The following MLLT10 variants were observed in gnomAD, a reference collection of about 807,000 sequenced individuals.
MLLT10 encodes MLLT10 histone lysine methyltransferase DOT1L cofactor.
In MLLT10, 30 loss-of-function variants were observed where a neutral mutation model predicts 129.1. The observed-to-expected ratio is 0.23, with a 90% CI of 0.17 to 0.32. MLLT10 has a LOEUF of 0.32. Ranked by LOEUF, MLLT10 falls within the 10% of genes least tolerant of loss-of-function variation. The pLI is 1.00. For synonymous variants in MLLT10, 490 were observed against 446.4 expected (o/e 1.10, Z -1.23); for missense variants, 1,119 against 1,268.3 (o/e 0.88, Z 1.79).
chr10:21,684,576 A>G (rs1443322277), intron 13 of MLLT10, among the ~76,000 whole-genome samples: 1 of 152,096 alleles, frequency 6.6e-6, no homozygotes, highest in African/African-American at 2.4e-5. Flanking sequence ...CCATTTGGTT[A>G]TGTCCTACAT....
intron 3 of MLLT10, among the ~76,000 whole-genome samples, chr10:21,569,267 T>C (rs1282711830): frequency 2.0e-5 from 3 of 151,768 alleles, no homozygotes; most frequent in African/African-American, 7.3e-5. Flanking sequence ...TATCATTCCT[T>C]TTTTTTGAAC....
intron 9 of MLLT10, among the ~76,000 whole-genome samples, chr10:21,659,378 C>T (rs993329953): frequency 1.3e-5 from 2 of 152,074 alleles, no homozygotes; most frequent in African/African-American, 4.8e-5. Context: ...AAAAAAGTTA[C>T]TGTAGAGAAA....
chr10:21,731,241 G>A (rs146916427), intron 17 of MLLT10, among the ~76,000 whole-genome samples, 187 bp downstream of exon 17: 2 of 152,236 alleles, frequency 1.3e-5, no homozygotes, highest in African/African-American at 4.8e-5. Context: ...GTTACTGCTT[G>A]GACTTGAATC....
chr10:21,717,519 A>ACCACCT (rs1409488257), intron 14 of MLLT10, among the ~76,000 whole-genome samples: 9 of 75,284 alleles, frequency 1.2e-4, no homozygotes, highest in Non-Finnish European at 1.7e-4. Context: ...CTCCTCCACC[A>ACCACCT]CCTCCTCCTC....
chr10:21,682,374 T>A, intron 13 of MLLT10, 117 bp downstream of exon 13: 2 of 929,578 alleles, frequency 2.2e-6, no homozygotes, highest in Non-Finnish European at 3.2e-6. Flanking sequence ...AGTGCTGCAG[T>A]GAGTCAATTG....
At chr10:21,536,220 C>T (rs1209270302) in intron 2 of MLLT10, among the ~76,000 whole-genome samples, 2 of 152,174 alleles carry the variant, frequency 1.3e-5, no homozygotes, top group African/African-American at 4.8e-5. Flanking sequence ...GGATTACCGG[C>T]GTCAGCCACT....
At position 21,733,871 on chromosome 10, in the gene MLLT10, T is replaced by C. The variant is rs2058145016; in HGVS notation, c.2600T>C (p.Val867Ala). ...CAACAAGGCTCAGGAGTGAGTGGAG[T>C]TCAGCAGGTCAATGGCGTGACAGTG... ...PAQQGSGVSGVQQVNGVTVGA... is the reference protein window; with the variant it reads ...PAQQGSGVSGAQQVNGVTVGA... The change falls in exon 20 of 23, where the codon GTT becomes GCT. Residue 867 changes from valine (V) to alanine (A), a missense_variant. By Grantham distance (64) the Val-to-Ala change is moderately conservative (BLOSUM62 0). Coordinates refer to ENST00000307729, the MANE Select transcript of MLLT10 (RefSeq NM_001195626.3). 6.2e-7 allele frequency: 1 copy of C among 1,613,686 alleles called. No individual in the cohort carries two copies. Among genetic ancestry groups the C allele is most frequent in the Admixed American group, 1.7e-5 (1 of 59,950 alleles).
intron 9 of MLLT10, among the ~76,000 whole-genome samples, chr10:21,653,086 TG>T (rs746509241): frequency 9.8e-5 from 15 of 152,320 alleles, no homozygotes; most frequent in Admixed American, 2.0e-4. Flanking sequence ...AGTTTTCTAT[TG>T]CAGTTGAAAT....
chr10:21,676,720 CAAAAAAAAAAAAAAAAAAAAAAAAA>C (rs56000691), intron 11 of MLLT10, among the ~76,000 whole-genome samples: 2 of 31,998 alleles, frequency 6.3e-5, no homozygotes, highest in Non-Finnish European at 1.2e-4. Flanking sequence ...GACTCCATCT[CAAAAAAAAAAAAAAAAAAAAAAAAA>C]AAAAAAAAAA....
At chr10:21,545,303 A>T (rs1307977821) in intron 3 of MLLT10, among the ~76,000 whole-genome samples, 1 of 151,786 alleles carries the variant, frequency 6.6e-6, no homozygotes, top group African/African-American at 2.4e-5. Context: ...AGAACTGATT[A>T]TCAAGGATTG....
intron 3 of MLLT10, among the ~76,000 whole-genome samples, 183 bp from the exon 4 acceptor site, chr10:21,586,111 C>T (rs2041957750): frequency 6.6e-6 from 1 of 152,220 alleles, no homozygotes; most frequent in Non-Finnish European, 1.5e-5. Context: ...ATTACTTGTC[C>T]TCTGAAGAAG....
Position 21,534,306 on chromosome 10 carries a change from G to GCCCCCCCCCCCCC in MLLT10, c.-208_-207insCCCCCCCCCCCCC. 3 of 328,390 alleles carry GCCCCCCCCCCCCC rather than the reference G, an allele frequency of 9.1e-6. No homozygotes were observed. Among genetic ancestry groups the GCCCCCCCCCCCCC allele is most frequent in the Non-Finnish European group, 1.1e-5 (2 of 183,296 alleles). 20.3% of individuals were successfully genotyped at this position (328,390 alleles called of 1,614,324 possible). A position where few individuals can be genotyped will look rare whatever the true frequency, so the allele number is the denominator to read the frequency against. On this transcript the variant is annotated 5_prime_UTR_variant, in exon 1 of 23. Coordinates refer to ENST00000307729, the MANE Select transcript of MLLT10 (RefSeq NM_001195626.3). ...CCTCGCTGCCCCTGGCCCAGCGGGA[G>GCCCCCCCCCCCCC]CCCCCCCTCCCCCCAGTGCGCCTGT...
At chr10:21,651,098 G>A (rs1356191436) in intron 8 of MLLT10, among the ~76,000 whole-genome samples, 1 of 150,554 alleles carries the variant, frequency 6.6e-6, no homozygotes, top group Non-Finnish European at 1.5e-5. Flanking sequence ...TTGAGACGGA[G>A]TCTCACACTG....
intron 8 of MLLT10, among the ~76,000 whole-genome samples, chr10:21,631,821 C>T (rs2047039932): frequency 6.6e-6 from 1 of 151,398 alleles, no homozygotes; most frequent in Admixed American, 6.6e-5. Context: ...GATTACAGTT[C>T]AACATGAGAT....
chr10:21,629,102 T>C (rs2046763056), intron 8 of MLLT10, among the ~76,000 whole-genome samples: 1 of 147,422 alleles, frequency 6.8e-6, no homozygotes, highest in Non-Finnish European at 1.5e-5. Flanking sequence ...GTGGCTGCCT[T>C]TTTTTTTTTG....
At chr10:21,641,973 T>C (rs1047362119) in intron 8 of MLLT10, among the ~76,000 whole-genome samples, 4 of 152,212 alleles carry the variant, frequency 2.6e-5, no homozygotes, top group Non-Finnish European at 4.4e-5. Context: ...GACACTGCAG[T>C]TGTTCTGAGG....
At chr10:21,563,875 C>T (rs1422565412) in intron 3 of MLLT10, among the ~76,000 whole-genome samples, 4 of 151,378 alleles carry the variant, frequency 2.6e-5, no homozygotes, top group East Asian at 1.9e-4. Context: ...TGTGGTGGCG[C>T]GATCTAGGCT....
intron 8 of MLLT10, among the ~76,000 whole-genome samples, chr10:21,622,256 C>G (rs1394371101): frequency 2.1e-5 from 3 of 146,214 alleles, no homozygotes; most frequent in Non-Finnish European, 3.0e-5. Context: ...CTCCGTGGCT[C>G]AAGGGATCCT....
intron 11 of MLLT10, among the ~76,000 whole-genome samples, chr10:21,678,482 A>G (rs764090225): frequency 6.6e-6 from 1 of 152,136 alleles, no homozygotes; most frequent in Non-Finnish European, 1.5e-5. Flanking sequence ...GATCATGGAG[A>G]GGTTGAATTG....
Sources: gnomAD v4.1 joint callset for allele counts (sites outside exome capture counted in the v4.1 genomes callset) on GRCh38, gnomAD v4.1.1 for gene constraint, MANE v1.5 for transcripts, NCBI Gene and HGNC (gene_info 2026-07-23, HGNC 2026-07-21) for gene names.